The following ADCY2 variants were observed in gnomAD, a reference collection of about 807,000 sequenced individuals.
ADCY2 encodes the protein adenylate cyclase type 2.
ADCY2 carries 31 observed loss-of-function variants against 125.2 expected under a neutral mutation model. That is an observed-to-expected ratio of 0.25 (90% CI 0.19 to 0.33). The LOEUF (loss-of-function observed/expected upper bound fraction) is 0.33. ADCY2 is among the 10% of genes least tolerant of loss of function. The pLI is 1.00. For synonymous variants in ADCY2, 512 were observed against 548.4 expected, an observed-to-expected ratio of 0.93 and a Z score of 0.93; for missense variants, 904 against 1,418.2, an observed-to-expected ratio of 0.64 and a Z score of 5.82.
chr5:7,620,990 C>T (rs1265208369), intron 3 of ADCY2, among the ~76,000 whole-genome samples: 1 of 152,016 alleles, frequency 6.6e-6, no homozygotes, highest in Admixed American at 6.5e-5. Context: ...CTGGTGTCTG[C>T]TTGGGCCATT....
chr5:7,497,026 T>C (rs1365936156), intron 2 of ADCY2, among the ~76,000 whole-genome samples: 2 of 152,168 alleles, frequency 1.3e-5, no homozygotes, highest in Non-Finnish European at 2.9e-5. Context: ...TCAGAATTTC[T>C]TGAAGAAAAC....
chr5:7,620,222 A>G (rs754229134), intron 3 of ADCY2, among the ~76,000 whole-genome samples: 4 of 152,230 alleles, frequency 2.6e-5, no homozygotes, highest in Non-Finnish European at 5.9e-5. Flanking sequence ...CAGATGTGGT[A>G]TAAAAAGAAT....
rs1276273931 is a variant in ADCY2 at position 7,706,790 on chromosome 5, G to A, written c.1156G>A (p.Val386Met). 1 of 1,614,212 alleles carries A rather than the reference G, an allele frequency of 6.2e-7. No individual in the cohort carries two copies. The highest frequency in any genetic ancestry group is 8.5e-7 in the Non-Finnish European group (1 of 1,180,048). The change falls in exon 8 of 25, where the codon GTG becomes ATG. Residue 386 changes from valine to methionine, a missense_variant. By Grantham distance (21) the Val-to-Met change is conservative. Coordinates refer to ENST00000338316, the MANE Select transcript of ADCY2 (RefSeq NM_020546.3). Reference protein sequence around the residue: ...TGVDINMRVGVHSGNVLCGVI... With the variant: ...TGVDINMRVGMHSGNVLCGVI... Reference sequence around the variant, plus strand: ...AGTTGATATCAACATGCGCGTGGGCGTGCATTCTGGGAATGTCCTGTGTGG... The same window carrying A: ...AGTTGATATCAACATGCGCGTGGGCATGCATTCTGGGAATGTCCTGTGTGG...
In ADCY2 at chr5:7,828,273, C is replaced by A. The variant is rs958926874; in HGVS notation, c.*1402C>A. ...AAGAAGTAGAGAACCCAGATGATCT[C>A]TTAGGAAGCCTTTTATTCGTGGGAA... On this transcript the variant is annotated 3_prime_UTR_variant, in exon 25 of 25. Coordinates refer to ENST00000338316, the MANE Select transcript of ADCY2 (RefSeq NM_020546.3). 3.3e-5 allele frequency: 5 copies of A among 152,756 alleles called. No homozygotes were observed. Among genetic ancestry groups the A allele is most frequent in the African/African-American group, 1.2e-4 (5 of 41,464 alleles). 9.5% of individuals were successfully genotyped at this position (152,756 alleles called of 1,614,324 possible).
chr5:7,497,750 G>A (rs1743392508), intron 2 of ADCY2, among the ~76,000 whole-genome samples: 1 of 152,048 alleles, frequency 6.6e-6, no homozygotes. Context: ...AAAAAAAGTT[G>A]CCTGAACTAA....
intron 2 of ADCY2, among the ~76,000 whole-genome samples, chr5:7,425,529 C>G (rs1740355442): frequency 6.6e-6 from 1 of 152,242 alleles, no homozygotes; most frequent in South Asian, 2.1e-4. Context: ...TTATAGACTT[C>G]AGGCTAGAGC....
At chr5:7,405,042 G>T (rs1739422773) in intron 1 of ADCY2, among the ~76,000 whole-genome samples, 1 of 152,184 alleles carries the variant, frequency 6.6e-6, no homozygotes, top group Non-Finnish European at 1.5e-5. Context: ...TCTCAAGTCA[G>T]GGAATTCTGC....
At chr5:7,740,125 G>T (rs115212452) in intron 14 of ADCY2, among the ~76,000 whole-genome samples, 1 of 151,934 alleles carries the variant, frequency 6.6e-6, no homozygotes, top group Non-Finnish European at 1.5e-5. Context: ...AGATCTAGCC[G>T]AAATAAAATG....
At chr5:7,734,791 A>C (rs1742197976) in intron 14 of ADCY2, among the ~76,000 whole-genome samples, 1 of 152,180 alleles carries the variant, frequency 6.6e-6, no homozygotes, top group African/African-American at 2.4e-5. Flanking sequence ...AGGACCATAG[A>C]CTGTGTAGCT....
chr5:7,642,556 T>A (rs1738747562), intron 4 of ADCY2, among the ~76,000 whole-genome samples: 9 of 152,148 alleles, frequency 5.9e-5, no homozygotes, highest in Admixed American at 5.9e-4. Flanking sequence ...TTTTTGTTTT[T>A]GTTGCAATTG....
chr5:7,773,411 ATAAT>A (rs1287661142), intron 18 of ADCY2, among the ~76,000 whole-genome samples: 6 of 152,184 alleles, frequency 3.9e-5, no homozygotes, highest in Non-Finnish European at 8.8e-5. Flanking sequence ...TTTGGACTAA[ATAAT>A]TCTCTGTTGC....
intron 12 of ADCY2, among the ~76,000 whole-genome samples, chr5:7,718,505 C>T (rs530939129): frequency 1.1e-4 from 16 of 152,190 alleles, no homozygotes; most frequent in South Asian, 4.1e-4. Flanking sequence ...ATGAAAGAAT[C>T]GCATGAGTGT....
At chr5:7,413,142 C>T (rs1156376449) in intron 1 of ADCY2, among the ~76,000 whole-genome samples, 1 of 152,132 alleles carries the variant, frequency 6.6e-6, no homozygotes, top group African/African-American at 2.4e-5. Flanking sequence ...CCCTGTGCTT[C>T]GTTGCTTGGT....
intron 2 of ADCY2, among the ~76,000 whole-genome samples, chr5:7,431,184 G>A (rs116532078): frequency 0.026 from 3,950 of 152,282 alleles, 61 homozygotes; most frequent in South Asian, 0.036. Flanking sequence ...TGATATTGGT[G>A]TAAAAATAGA....
At chr5:7,655,042 A>G (rs767115573) in intron 4 of ADCY2, among the ~76,000 whole-genome samples, 1 of 152,184 alleles carries the variant, frequency 6.6e-6, no homozygotes, top group Non-Finnish European at 1.5e-5. Context: ...TGAGAGATCT[A>G]GAAATGTTGT....
At chr5:7,478,639 G>T (rs1005599763) in intron 2 of ADCY2, among the ~76,000 whole-genome samples, 1 of 152,070 alleles carries the variant, frequency 6.6e-6, no homozygotes, top group African/African-American at 2.4e-5. Context: ...GCACACAAAG[G>T]CACCTCTATT....
intron 24 of ADCY2, among the ~76,000 whole-genome samples, chr5:7,823,640 G>A (rs1469225919): frequency 1.3e-5 from 2 of 152,140 alleles, no homozygotes; most frequent in Non-Finnish European, 2.9e-5. Flanking sequence ...TTTCCCACCT[G>A]CAGGCCAGCC....
At position 7,690,702 on chromosome 5, in the gene ADCY2, G is replaced by T. The variant is rs768980424; in HGVS notation, c.732G>T (p.Leu244=). Residue 244 remains leucine (L), a synonymous_variant, in exon 5 of 25, where the codon CTG becomes CTT. Coordinates refer to ENST00000338316, the MANE Select transcript of ADCY2 (RefSeq NM_020546.3). ...CCCACCTTGTCCAGGAGCGGCTTCT[G>T]CTCTCCCTGCTGCCGGCCCACATCG... ...EFEKRQQERL[L]LSLLPAHIAM... 4.4e-6 allele frequency: 7 copies of T among 1,590,428 alleles called. No homozygotes were observed. The highest frequency in any genetic ancestry group is 6.0e-6 in the Non-Finnish European group (7 of 1,170,030).
chr5:7,816,141 G>C (rs1745104405), intron 22 of ADCY2, among the ~76,000 whole-genome samples: 1 of 152,182 alleles, frequency 6.6e-6, no homozygotes, highest in South Asian at 2.1e-4. Flanking sequence ...CATATCCTGA[G>C]AGACTGGGGT....
Sources: allele counts gnomAD v4.1 joint callset (sites outside exome capture counted in the v4.1 genomes callset), GRCh38; gene constraint gnomAD v4.1.1; transcripts MANE v1.5; gene names NCBI Gene and HGNC (gene_info 2026-07-23, HGNC 2026-07-21).